The following CAMTA1 variants were observed in gnomAD, a reference collection of about 807,000 sequenced individuals.
CAMTA1 encodes calmodulin-binding transcription activator 1.
CAMTA1 carries 27 observed loss-of-function variants against 170.9 expected under a neutral mutation model. The ratio of observed to expected loss-of-function variants is 0.16; its 90% CI spans 0.12 to 0.22. CAMTA1 has a LOEUF of 0.22. Among genes scored for constraint, CAMTA1 ranks in the 10% least tolerant of loss-of-function variants. The probability of loss-of-function intolerance (pLI) is 1.00; values close to 1 mark genes in which losing one functional copy is unlikely to be tolerated. For synonymous variants in CAMTA1, 833 were observed against 891.5 expected (o/e 0.93, Z 1.17); for missense variants, 1,619 against 2,217.2 (o/e 0.73, Z 5.42).
intron 3 of CAMTA1, among the ~76,000 whole-genome samples, chr1:7,042,482 C>T (rs746836886): frequency 3.9e-5 from 6 of 152,204 alleles, no homozygotes; most frequent in Admixed American, 6.5e-5. Flanking sequence ...GCGCTGAGAT[C>T]GCAAGCCTTC....
chr1:7,323,504 C>A (rs1226205004), intron 5 of CAMTA1, among the ~76,000 whole-genome samples: 18 of 103,616 alleles, frequency 1.7e-4, no homozygotes, highest in South Asian at 3.2e-4. Context: ...TTCCTTTATT[C>A]TTCTTTTTTT....
chr1:6,926,720 T>TTTTC (rs1018947696), intron 3 of CAMTA1, among the ~76,000 whole-genome samples: 4 of 146,504 alleles, frequency 2.7e-5, no homozygotes, highest in Non-Finnish European at 4.5e-5. Context: ...TCCTTCTCTC[T>TTTTC]TTTCTTTCTT....
intron 6 of CAMTA1, among the ~76,000 whole-genome samples, chr1:7,608,642 T>C (rs1244605689): frequency 6.6e-6 from 1 of 152,188 alleles, no homozygotes; most frequent in Admixed American, 6.5e-5. Flanking sequence ...TTGGCATCTC[T>C]TTCTCCTTAG....
At position 7,502,038 on chromosome 1, in the gene CAMTA1, C is replaced by T. The variant is rs1009041048; in HGVS notation, c.510+34137C>T. On this transcript the variant is annotated intron_variant, in intron 6 of 22. Transcript: ENST00000303635. Reference sequence around the variant, plus strand: ...GCCTTGGCTGCAATCTCAAGCCCCCCGGAGGAGGAAGCAGCAAGGCGCCTG... The same window carrying T: ...GCCTTGGCTGCAATCTCAAGCCCCCTGGAGGAGGAAGCAGCAAGGCGCCTG... 7.9e-5 allele frequency among the ~76,000 whole-genome samples: 12 copies of T among 152,324 alleles called. No individual in the cohort carries two copies. The East Asian group carries it at 1.9e-3, about 24-fold the overall frequency.
intron 2 of CAMTA1, 93 bp downstream of exon 2, chr1:6,820,343 C>A: frequency 7.6e-7 from 1 of 1,317,874 alleles, no homozygotes; most frequent in Non-Finnish European, 1.1e-6. Context: ...GCCTTCAGCC[C>A]GGACTCAGAA....
chr1:7,380,922 T>C (rs369242617), intron 5 of CAMTA1, among the ~76,000 whole-genome samples: 42 of 152,238 alleles, frequency 2.8e-4, no homozygotes, highest in Non-Finnish European at 5.3e-4. Context: ...CTAGTTGGAA[T>C]TTATTGAGCA....
chr1:6,945,853 G>A (rs1687485053), intron 3 of CAMTA1, among the ~76,000 whole-genome samples: 1 of 152,082 alleles, frequency 6.6e-6, no homozygotes, highest in Non-Finnish European at 1.5e-5. Flanking sequence ...TTTTATTGCT[G>A]GATAACATCC....
At chr1:6,881,845 T>A (rs1671712052) in intron 3 of CAMTA1, among the ~76,000 whole-genome samples, 1 of 152,156 alleles carries the variant, frequency 6.6e-6, no homozygotes, top group Non-Finnish European at 1.5e-5. Context: ...CGGTTGCCTG[T>A]AATCTCAGCT....
At chr1:6,844,508 CAAAAAAAA>C (rs34365054) in intron 3 of CAMTA1, among the ~76,000 whole-genome samples, 3 of 96,542 alleles carry the variant, frequency 3.1e-5, no homozygotes, top group Non-Finnish European at 4.1e-5. Flanking sequence ...CATTGCATTA[CAAAAAAAA>C]AAAAAAAAAA....
intron 6 of CAMTA1, among the ~76,000 whole-genome samples, chr1:7,627,882 A>T (rs551176605): frequency 6.6e-6 from 1 of 152,380 alleles, no homozygotes; most frequent in South Asian, 2.1e-4. Flanking sequence ...GTCTGAAGAA[A>T]TGCTAGTTCT....
intron 6 of CAMTA1, among the ~76,000 whole-genome samples, chr1:7,622,286 G>A (rs925465072): frequency 1.3e-5 from 2 of 152,276 alleles, no homozygotes; most frequent in South Asian, 2.1e-4. Context: ...GGCCAAGAGG[G>A]GTTAAGTAAC....
At chr1:6,847,254 T>A (rs1406232440) in intron 3 of CAMTA1, among the ~76,000 whole-genome samples, 1 of 151,800 alleles carries the variant, frequency 6.6e-6, no homozygotes, top group Admixed American at 6.6e-5. Flanking sequence ...AAGGATGGAT[T>A]TTTTTTTTAA....
chr1:6,955,681 A>G (rs1034169759), intron 3 of CAMTA1, among the ~76,000 whole-genome samples: 2 of 152,106 alleles, frequency 1.3e-5, no homozygotes, highest in South Asian at 2.1e-4. Context: ...CCCGGTCCCT[A>G]GCTCCGTGCC....
chr1:7,403,679 GACCACC>G (rs763912415), intron 5 of CAMTA1, among the ~76,000 whole-genome samples: 54 of 152,296 alleles, frequency 3.5e-4, no homozygotes, highest in Non-Finnish European at 5.4e-4. Context: ...TGAAGCCGAG[GACCACC>G]ACCAGCCCTA....
chr1:6,804,178 T>C (rs1256098572), intron 1 of CAMTA1, among the ~76,000 whole-genome samples: 1 of 141,220 alleles, frequency 7.1e-6, no homozygotes, highest in African/African-American at 2.6e-5. Context: ...GCGAAACTCT[T>C]TTTTTTTTTT....
intron 6 of CAMTA1, among the ~76,000 whole-genome samples, chr1:7,591,459 T>C (rs1227589206): frequency 6.6e-6 from 1 of 152,242 alleles, no homozygotes; most frequent in African/African-American, 2.4e-5. Context: ...AACAGACTGT[T>C]ACTGTAAAAC....
chr1:6,887,993 C>T lies in CAMTA1; in HGVS notation c.234+62783C>T. ...CTCCTGGTCCAGAGGCCTCCGTGACCATCCATGATGCCACTCTGTCCCCTC... is the reference window on the plus strand; with the variant it reads ...CTCCTGGTCCAGAGGCCTCCGTGACTATCCATGATGCCACTCTGTCCCCTC... On this transcript the variant is annotated intron_variant, in intron 3 of 22. Coordinates refer to ENST00000303635, the MANE Select transcript of CAMTA1 (RefSeq NM_015215.4). The surrounding 1 kb of genome is among the most constrained non-coding windows in gnomAD (Gnocchi z 4.1). 8.6e-7 allele frequency: 1 copy of T among 1,169,172 alleles called. No homozygotes were observed. The highest frequency in any genetic ancestry group is 1.1e-6 in the Non-Finnish European group (1 of 940,228). 72.4% of individuals were successfully genotyped at this position (1,169,172 alleles called of 1,614,324 possible).
intron 6 of CAMTA1, among the ~76,000 whole-genome samples, chr1:7,548,992 T>G (rs12749719): frequency 1.0e-5 from 1 of 99,324 alleles, no homozygotes; most frequent in Non-Finnish European, 2.3e-5. Context: ...CCCTTAGGGG[T>G]AGAGGTGCTG....
rs1331813803 is a variant in CAMTA1, at chr1:7,534,261, C to T, written c.510+66360C>T. Among the ~76,000 whole-genome samples the T allele has an allele frequency of 6.6e-6, 1 of 152,208 alleles. No homozygotes were observed. Among genetic ancestry groups the T allele is most frequent in the East Asian group, 1.9e-4 (1 of 5,186 alleles). ...GAAACATCATAACGTTCAGCAGAGC[C>T]CAGGCTGGCTGGAGGCCGAGGCTGG... On this transcript the variant is annotated intron_variant, in intron 6 of 22. Coordinates refer to ENST00000303635, the MANE Select transcript of CAMTA1 (RefSeq NM_015215.4). The surrounding 1 kb of genome is among the most constrained non-coding windows in gnomAD (Gnocchi z 5.6).
Sources: gnomAD v4.1 joint callset for allele counts (sites outside exome capture counted in the v4.1 genomes callset) on GRCh38, gnomAD v4.1.1 for gene constraint, Gnocchi (gnomAD v3.1) non-coding constraint, MANE v1.5 for transcripts, NCBI Gene and HGNC (gene_info 2026-07-23, HGNC 2026-07-21) for gene names.